The following PHF3 variants were observed in gnomAD, a reference collection of about 807,000 sequenced individuals.
PHF3 encodes the protein PHD finger protein 3.
A neutral mutation model predicts 178.4 loss-of-function variants in PHF3; 41 were observed. The ratio of observed to expected loss-of-function variants is 0.23; its 90% CI spans 0.18 to 0.30. The LOEUF (loss-of-function observed/expected upper bound fraction) is 0.30. Among genes scored for constraint, PHF3 ranks in the 10% least tolerant of loss-of-function variants. The probability of loss-of-function intolerance (pLI) is 1.00; values close to 1 mark genes in which losing one functional copy is unlikely to be tolerated. For missense variants in PHF3, 2,346 were observed against 2,398.1 expected, an observed-to-expected ratio of 0.98 and a Z score of 0.45; for synonymous variants, 842 against 800.5, an observed-to-expected ratio of 1.05 and a Z score of -0.88.
At chr6:63,646,888 T>C (rs553081130) in intron 2 of PHF3, 93 bp downstream of exon 2, 28 of 1,008,304 alleles carry the variant, frequency 2.8e-5, no homozygotes, top group Admixed American at 1.6e-4. Flanking sequence ...TTTTTTCTTT[T>C]TTTTTTTTTT....
intron 1 of PHF3, among the ~76,000 whole-genome samples, chr6:63,637,223 ACT>A (rs1231317275): frequency 2.0e-5 from 3 of 152,066 alleles, no homozygotes; most frequent in African/African-American, 4.8e-5. Context: ...AATGCAGTAA[ACT>A]CTGTAGGGAG....
chr6:63,670,507 C>T (rs1289416605), intron 2 of PHF3, among the ~76,000 whole-genome samples: 3 of 151,962 alleles, frequency 2.0e-5, no homozygotes, highest in South Asian at 2.1e-4. Flanking sequence ...AGGATGGTCT[C>T]GATCTCCTGA....
chr6:63,681,643 A>G (rs1043158074), intron 3 of PHF3, among the ~76,000 whole-genome samples: 2 of 151,994 alleles, frequency 1.3e-5, no homozygotes, highest in African/African-American at 4.8e-5. Context: ...TTCATGTTTC[A>G]TGGATGTAGT....
At position 63,700,358 on chromosome 6, in the gene PHF3, T is replaced by TA; in HGVS notation, c.2997dup (p.Val1000SerfsTer9). ...TTTTAAAATCCTTCCAGATATTATT[T>TA]AAAAAAGTACTGAAAGGAGAAGTAA... On this transcript the variant is annotated frameshift_variant, in exon 9 of 16. Coordinates refer to ENST00000262043, the MANE Select transcript of PHF3 (RefSeq NM_001370348.2). LOFTEE classifies it high-confidence loss of function. 1 of 1,523,370 alleles carries TA rather than the reference T, an allele frequency of 6.6e-7. No individual in the cohort carries two copies. Among genetic ancestry groups the TA allele is most frequent in the Non-Finnish European group, 9.0e-7 (1 of 1,107,996 alleles). 94.4% of individuals were successfully genotyped at this position (1,523,370 alleles called of 1,614,324 possible).
intron 8 of PHF3, among the ~76,000 whole-genome samples, chr6:63,698,994 T>C (rs560995340): frequency 6.6e-6 from 1 of 152,326 alleles, no homozygotes; most frequent in East Asian, 1.9e-4. Flanking sequence ...AGAGTAAAAA[T>C]GCTTTTAAAT....
At chr6:63,706,355 T>C in intron 12 of PHF3, 131 bp downstream of exon 12, 1 of 652,818 alleles carries the variant, frequency 1.5e-6, no homozygotes, top group South Asian at 2.6e-5. Context: ...TACTTTCCTG[T>C]ACTTTGAGAT....
chr6:63,643,132 G>A (rs1311607301), intron 1 of PHF3, among the ~76,000 whole-genome samples: 1 of 151,632 alleles, frequency 6.6e-6, no homozygotes, highest in Non-Finnish European at 1.5e-5. Flanking sequence ...TTTTGCTACT[G>A]TCCCTTTTCT....
At chr6:63,706,706 G>A in intron 12 of PHF3, 23 bp from the exon 13 acceptor site, 2 of 1,609,900 alleles carry the variant, frequency 1.2e-6, no homozygotes, top group Admixed American at 3.4e-5. Context: ...CTTGTCTTTA[G>A]GCTTTTTAAT....
chr6:63,712,045 C>A lies in PHF3; in HGVS notation c.4457C>A (p.Ser1486Ter). The change falls in exon 16 of 16, where the codon TCA becomes TAA. Residue 1486 changes from serine (S) to a stop codon, truncating the protein, a stop_gained. Transcript: ENST00000262043. LOFTEE classifies it high-confidence loss of function. ...TTGQVYDQAQ[S>*]VMEQNTVKEI... ...GGTCAAGTATATGACCAGGCCCAGT[C>A]AGTGATGGAACAAAACACTGTTAAA... 1 of 1,613,632 alleles carries A rather than the reference C, an allele frequency of 6.2e-7. No individual in the cohort carries two copies. Among genetic ancestry groups the A allele is most frequent in the South Asian group, 1.1e-5 (1 of 91,068 alleles).
At chr6:63,672,438 G>A (rs533575888) in intron 2 of PHF3, among the ~76,000 whole-genome samples, 17 of 152,222 alleles carry the variant, frequency 1.1e-4, no homozygotes, top group Admixed American at 5.2e-4. Flanking sequence ...AGAGCTAATC[G>A]AAATGAAAAT....
rs544513359 is a variant in PHF3 at position 63,668,016 on chromosome 6, A to G, written c.245-11984A>G. Among the ~76,000 whole-genome samples the G allele has an allele frequency of 1.6e-4, 25 of 152,354 alleles. 1 individual carries two copies. Among genetic ancestry groups the G allele is most frequent in the South Asian group, 4.1e-4 (2 of 4,828 alleles). ...TCTGCACAGCGATGCAGCCTTGGCA[A>G]TATGAAAATATTTATTTCCTCATCA... On this transcript the variant is annotated intron_variant, in intron 2 of 15. Coordinates refer to ENST00000262043, the MANE Select transcript of PHF3 (RefSeq NM_001370348.2).
At chr6:63,660,335 G>C (rs1376376366) in intron 2 of PHF3, among the ~76,000 whole-genome samples, 2 of 151,530 alleles carry the variant, frequency 1.3e-5, no homozygotes, top group African/African-American at 4.9e-5. Context: ...ATTCAGGATG[G>C]AATGCAACTA....
chr6:63,654,430 G>A (rs67342772), intron 2 of PHF3, among the ~76,000 whole-genome samples: 11,885 of 152,196 alleles, frequency 0.078, 532 homozygotes, highest in East Asian at 0.16. Context: ...TACCCTTTAA[G>A]AATAAAAATT....
chr6:63,636,148 T>C lies in PHF3; in HGVS notation c.-28T>C, dbSNP rs1764319991. On this transcript the variant is annotated splice_region_variant and 5_prime_UTR_variant, in exon 1 of 16. Coordinates refer to ENST00000262043, the MANE Select transcript of PHF3 (RefSeq NM_001370348.2). Reference sequence around the variant, plus strand: ...AGTGGTAGCGCTCGTCTGGCGGAGCTGGGTGAGTTGCGGCTGTGGCCGCGG... The same window carrying C: ...AGTGGTAGCGCTCGTCTGGCGGAGCCGGGTGAGTTGCGGCTGTGGCCGCGG... 1 of 386,652 alleles carries C rather than the reference T, an allele frequency of 2.6e-6. No individual in the cohort carries two copies. Among genetic ancestry groups the C allele is most frequent in the Admixed American group, 4.5e-5 (1 of 22,314 alleles). 24.0% of individuals were successfully genotyped at this position (386,652 alleles called of 1,614,324 possible). A position where few individuals can be genotyped will look rare whatever the true frequency, so the allele number is the denominator to read the frequency against.
chr6:63,642,636 G>A (rs778043798), intron 1 of PHF3, among the ~76,000 whole-genome samples: 1 of 152,070 alleles, frequency 6.6e-6, no homozygotes, highest in South Asian at 2.1e-4. Context: ...GGATATACAC[G>A]TATCATCAGC....
rs1768500051 is a variant in PHF3, at chr6:63,723,749, G to T, written c.*10041G>T. ...AGACTTTTAAATTTCATTGCGTTAG[G>T]ATATGATGCTCTAGTTATGGGTCAT... On this transcript the variant is annotated 3_prime_UTR_variant, in exon 16 of 16. Transcript: ENST00000262043. Among the ~76,000 whole-genome samples, 2 of 150,984 alleles carry T rather than the reference G, an allele frequency of 1.3e-5. No individual in the cohort carries two copies. Among genetic ancestry groups the T allele is most frequent in the African/African-American group, 4.9e-5 (2 of 41,176 alleles).
chr6:63,685,209 A>G lies in PHF3; in HGVS notation c.1487A>G (p.His496Arg). ...VKSKHTKPVI[H>R]SKQNMTTDAP... Reference sequence around the variant, plus strand: ...TCCAAACATACAAAACCTGTAATTCATTCTAAGCAAAACATGACCACAGAT... The same window carrying G: ...TCCAAACATACAAAACCTGTAATTCGTTCTAAGCAAAACATGACCACAGAT... The change falls in exon 4 of 16, where the codon CAT (histidine) becomes CGT (arginine). Residue 496 changes from histidine (H) to arginine (R), a missense_variant. This residue lies in a region of PHF3 where 843 missense variants were observed against 795.2 expected (regional missense o/e 1.06). Coordinates refer to ENST00000262043, the MANE Select transcript of PHF3 (RefSeq NM_001370348.2). The G allele has an allele frequency of 1.2e-6, 2 of 1,614,010 alleles. No homozygotes were observed. The highest frequency in any genetic ancestry group is 1.6e-4 in the Middle Eastern group (1 of 6,062).
chr6:63,656,505 G>A (rs1193687976), intron 2 of PHF3, among the ~76,000 whole-genome samples: 1 of 152,144 alleles, frequency 6.6e-6, no homozygotes, highest in Non-Finnish European at 1.5e-5. Flanking sequence ...TTGCATTTCT[G>A]TGCTGTTACA....
intron 1 of PHF3, among the ~76,000 whole-genome samples, chr6:63,638,824 T>A (rs763934421): frequency 6.6e-6 from 1 of 152,150 alleles, no homozygotes; most frequent in Non-Finnish European, 1.5e-5. Context: ...GGCAAACTGT[T>A]AGACATTTAT....
Sources: gnomAD v4.1 joint callset for allele counts (sites outside exome capture counted in the v4.1 genomes callset) on GRCh38, gnomAD v4.1.1 for gene constraint, gnomAD v4.1.1 regional missense constraint, MANE v1.5 for transcripts, NCBI Gene and HGNC (gene_info 2026-07-23, HGNC 2026-07-21) for gene names.